The following CREB3L2 variants were observed in gnomAD, a reference collection of about 807,000 sequenced individuals.
CREB3L2 encodes cAMP responsive element binding protein 3 like 2.
In CREB3L2, 23 loss-of-function variants were observed where a neutral mutation model predicts 57.2. The ratio of observed to expected loss-of-function variants is 0.40; its 90% CI spans 0.29 to 0.57. The LOEUF (loss-of-function observed/expected upper bound fraction) is 0.57, where lower values mean the gene tolerates loss of function less well. CREB3L2 is among the 20% of genes least tolerant of loss of function. The pLI is 0.42. For missense variants in CREB3L2, 628 were observed against 634.7 expected, an observed-to-expected ratio of 0.99 and a Z score of 0.11; for synonymous variants, 268 against 265.1, an observed-to-expected ratio of 1.01 and a Z score of -0.11.
rs1045275082 is a variant in CREB3L2 at position 137,916,650 on chromosome 7, G to A, written c.320-638C>T. On this transcript the variant is annotated intron_variant, in intron 2 of 11. Transcript: ENST00000330387. ...GGAGGATTGCTTAAACCAGGAAGTCGAGGCTTCAGTGAGCTGTGATCACAT... is the reference window on the plus strand; with the variant it reads ...GGAGGATTGCTTAAACCAGGAAGTCAAGGCTTCAGTGAGCTGTGATCACAT... 3.3e-5 allele frequency among the ~76,000 whole-genome samples: 5 copies of A among 151,844 alleles called. No individual in the cohort carries two copies. The East Asian group carries it at 9.7e-4, about 29-fold the overall frequency.
At chr7:137,917,268 T>C (rs547990230) in intron 2 of CREB3L2, among the ~76,000 whole-genome samples, 2 of 152,246 alleles carry the variant, frequency 1.3e-5, no homozygotes, top group South Asian at 4.1e-4. Context: ...AATAAGAATT[T>C]GTATTTCTTA....
chr7:137,893,616 A>C (rs1799564289), intron 8 of CREB3L2, among the ~76,000 whole-genome samples: 1 of 152,212 alleles, frequency 6.6e-6, no homozygotes, highest in African/African-American at 2.4e-5. Context: ...GGCTAAACAA[A>C]CAGACCAGGA....
intron 1 of CREB3L2, among the ~76,000 whole-genome samples, chr7:137,969,107 G>A (rs1055490088): frequency 3.3e-5 from 5 of 152,180 alleles, no homozygotes; most frequent in African/African-American, 1.2e-4. Context: ...ACTCCAGCAA[G>A]ATCCCTGGTC....
intron 1 of CREB3L2, among the ~76,000 whole-genome samples, chr7:137,991,299 G>C (rs1399645010): frequency 3.3e-5 from 5 of 151,664 alleles, no homozygotes; most frequent in Admixed American, 3.3e-4. Flanking sequence ...GAGTAGCTGG[G>C]ACTACAGGCA....
chr7:137,945,482 T>G (rs1800956137), intron 1 of CREB3L2, among the ~76,000 whole-genome samples: 1 of 152,208 alleles, frequency 6.6e-6, no homozygotes, highest in African/African-American at 2.4e-5. Context: ...GAGACAATAT[T>G]TTCTGCCCAA....
chr7:137,955,790 C>A (rs1801197165), intron 1 of CREB3L2, among the ~76,000 whole-genome samples: 1 of 152,094 alleles, frequency 6.6e-6, no homozygotes. Context: ...GAACACTAAG[C>A]ATGCGGGAGT....
At position 137,915,996 on chromosome 7, in the gene CREB3L2, C is replaced by G. The variant is rs1442973011; in HGVS notation, c.336G>C (p.Glu112Asp). The G allele has an allele frequency of 3.1e-6, 5 of 1,612,934 alleles. No homozygotes were observed. In the Admixed American group the frequency reaches 6.7e-5, roughly 22 times the overall value. Residue 112 changes from glutamate (E) to aspartate (D), a missense_variant, in exon 3 of 12, where the codon GAG (glutamate) becomes GAC (aspartate). Glu to Asp is a conservative substitution (Grantham distance 45). Around this residue, in one of 3 missense-constraint regions of CREB3L2, gnomAD observed 339 missense variants for 355.4 expected, o/e 0.95. Coordinates refer to ENST00000330387, the MANE Select transcript of CREB3L2 (RefSeq NM_194071.4). ...DSFNDDEVESEKWYLSTDFPS... is the reference protein window; with the variant it reads ...DSFNDDEVESDKWYLSTDFPS... ...GGAAGTCTGTAGACAGGTACCATTT[C>G]TCACTTTCCACCTCATCTGCAGGAA... is the stretch of plus-strand genomic sequence containing the variant.
Position 137,915,948 on chromosome 7 carries a change from C to T in CREB3L2, c.384G>A (p.Glu128=), listed in dbSNP as rs1261583202. 1.2e-6 allele frequency: 2 copies of T among 1,614,076 alleles called. No homozygotes were observed. The highest frequency in any genetic ancestry group is 1.7e-6 in the Non-Finnish European group (2 of 1,179,960). ...CTGGGGGTGGTTCGTCTGTAACTGG[C>T]TCTGTCTTGATGGATGTTGAAGGGA... is the stretch of plus-strand genomic sequence containing the variant. ...TDFPSTSIKT[E]PVTDEPPPGL... The change falls in exon 3 of 12, where the codon GAG becomes GAA. Residue 128 remains glutamate (E), a synonymous_variant. Coordinates refer to ENST00000330387, the MANE Select transcript of CREB3L2 (RefSeq NM_194071.4).
chr7:137,954,080 T>C (rs1291824600), intron 1 of CREB3L2, among the ~76,000 whole-genome samples: 2 of 152,198 alleles, frequency 1.3e-5, no homozygotes, highest in East Asian at 1.9e-4. Flanking sequence ...GGTTTCTGTC[T>C]GGTATTCTGA....
chr7:137,901,551 G>A, intron 7 of CREB3L2, 129 bp from the exon 8 acceptor site: 3 of 537,154 alleles, frequency 5.6e-6, no homozygotes, highest in East Asian at 3.2e-5. Context: ...GGAAGTGTGG[G>A]AAAGTATTGA....
In CREB3L2 at chr7:137,962,735, C is replaced by T. The variant is rs868753736; in HGVS notation, c.103-34369G>A. On this transcript the variant is annotated intron_variant, in intron 1 of 11. Coordinates refer to ENST00000330387, the MANE Select transcript of CREB3L2 (RefSeq NM_194071.4). ...AATTACATGTATGTTTGCTTCCGAT[C>T]TCCTGCACTACACATGAGTTCCATG... Among the ~76,000 whole-genome samples, 9 of 152,178 alleles carry T rather than the reference C, an allele frequency of 5.9e-5. No homozygotes were observed. The South Asian group carries it at 1.9e-3, about 32-fold the overall frequency.
intron 8 of CREB3L2, among the ~76,000 whole-genome samples, chr7:137,888,084 C>G (rs1259261582): frequency 6.6e-6 from 1 of 152,150 alleles, no homozygotes; most frequent in Non-Finnish European, 1.5e-5. Flanking sequence ...TCCTGAGTAG[C>G]TGGGAGGGAA....
intron 1 of CREB3L2, among the ~76,000 whole-genome samples, chr7:137,941,092 T>C (rs1429903522): frequency 6.6e-6 from 1 of 152,192 alleles, no homozygotes; most frequent in Non-Finnish European, 1.5e-5. Context: ...CAGGGGATCT[T>C]AGCCTTTGAA....
chr7:137,879,644 T>G lies in CREB3L2; in HGVS notation c.*832A>C, dbSNP rs1346659482. On this transcript the variant is annotated 3_prime_UTR_variant, in exon 12 of 12. Transcript: ENST00000330387. ...CGGGATCCCAGAGCCTAGGGTGCCC[T>G]CCTAGCTCTGAAGGCTCGCAGAAAA... 2.1e-5 allele frequency: 5 copies of G among 241,874 alleles called. No homozygotes were observed. The highest frequency in any genetic ancestry group is 4.4e-5 in the African/African-American group (2 of 45,306). The allele number at this position is 241,874 out of a possible 1,614,324, so 15.0% of individuals were successfully genotyped here.
intron 1 of CREB3L2, among the ~76,000 whole-genome samples, chr7:137,972,698 A>AT (rs772015841): frequency 2.0e-5 from 1 of 49,734 alleles, no homozygotes; most frequent in African/African-American, 1.1e-4. Flanking sequence ...AAAAAAAAAA[A>AT]AAAAAAAAAA....
rs1047935397 is a variant in CREB3L2 at position 137,877,408 on chromosome 7, C to T, written c.*3068G>A. The T allele has an allele frequency of 2.2e-5, 5 of 227,234 alleles. No homozygotes were observed. The highest frequency in any genetic ancestry group is 8.9e-5 in the African/African-American group (4 of 44,980). The allele number at this position is 227,234 out of a possible 1,614,324, so 14.1% of individuals were successfully genotyped here. On this transcript the variant is annotated 3_prime_UTR_variant, in exon 12 of 12. Coordinates refer to ENST00000330387, the MANE Select transcript of CREB3L2 (RefSeq NM_194071.4). Reference sequence around the variant, plus strand: ...TAACACTCTCTTTATGTGAGCTAGACTCCAGAGTCCTCACACTTCACAGAA... The same window carrying T: ...TAACACTCTCTTTATGTGAGCTAGATTCCAGAGTCCTCACACTTCACAGAA...
At chr7:137,964,930 C>T (rs1801384786) in intron 1 of CREB3L2, among the ~76,000 whole-genome samples, 1 of 152,070 alleles carries the variant, frequency 6.6e-6, no homozygotes, top group Non-Finnish European at 1.5e-5. Flanking sequence ...TCAATTATCT[C>T]GTCTGCCACC....
At chr7:137,944,937 G>A (rs1424093090) in intron 1 of CREB3L2, among the ~76,000 whole-genome samples, 1 of 151,960 alleles carries the variant, frequency 6.6e-6, no homozygotes, top group East Asian at 1.9e-4. Flanking sequence ...CTGTAGACCA[G>A]GCTGGAGTGC....
chr7:137,987,328 C>A (rs537927263), intron 1 of CREB3L2, among the ~76,000 whole-genome samples: 2 of 152,246 alleles, frequency 1.3e-5, no homozygotes, highest in African/African-American at 4.8e-5. Context: ...CACAGTTTGA[C>A]TTTTTAATGG....
Sources: gnomAD v4.1 joint callset for allele counts (sites outside exome capture counted in the v4.1 genomes callset) on GRCh38, gnomAD v4.1.1 for gene constraint, gnomAD v4.1.1 regional missense constraint, MANE v1.5 for transcripts, NCBI Gene and HGNC (gene_info 2026-07-23, HGNC 2026-07-21) for gene names.